Variants in ZBTB10 observed in about 807,000 individuals in gnomAD.
The protein encoded by ZBTB10 is zinc finger and BTB domain containing 10.
Under a neutral mutation model 76.4 loss-of-function variants are expected in ZBTB10, and 32 were observed. The observed-to-expected ratio is 0.42, with a 90% confidence interval of 0.32 to 0.56. The LOEUF (loss-of-function observed/expected upper bound fraction) is 0.56, where lower values mean the gene tolerates loss of function less well. Ranked by LOEUF, ZBTB10 falls within the 20% of genes least tolerant of loss-of-function variation. ZBTB10 has a pLI of 0.14. For synonymous variants in ZBTB10, 523 were observed against 432.9 expected, an observed-to-expected ratio of 1.21 and a Z score of -2.58; for missense variants, 1,057 against 1,098.5, an observed-to-expected ratio of 0.96 and a Z score of 0.53.
At chr8:80,489,224 C>T (rs566733732) in intron 1 of ZBTB10, among the ~76,000 whole-genome samples, 2 of 152,282 alleles carry the variant, frequency 1.3e-5, no homozygotes, top group South Asian at 4.1e-4. Flanking sequence ...GCTTTGTGAG[C>T]TTGGGCAATA....
chr8:80,512,594 C>T (rs1816222797), intron 2 of ZBTB10, among the ~76,000 whole-genome samples: 1 of 152,062 alleles, frequency 6.6e-6, no homozygotes, highest in Admixed American at 6.5e-5. Context: ...CACCTGTAGT[C>T]CCAGCTATCT....
intron 1 of ZBTB10, among the ~76,000 whole-genome samples, chr8:80,493,481 G>C (rs1815697269): frequency 6.6e-6 from 1 of 151,982 alleles, no homozygotes; most frequent in African/African-American, 2.4e-5. Flanking sequence ...TGTGTATGTG[G>C]GTTTAGAGTT....
At chr8:80,507,830 G>T (rs1816098838) in intron 2 of ZBTB10, among the ~76,000 whole-genome samples, 2 of 152,096 alleles carry the variant, frequency 1.3e-5, no homozygotes, top group Admixed American at 1.3e-4. Context: ...CCAGCTCTTG[G>T]GCTCAACTCT....
chr8:80,517,629 T>C (rs28588720), intron 3 of ZBTB10, among the ~76,000 whole-genome samples: 5,618 of 152,208 alleles, frequency 0.037, 238 homozygotes, highest in East Asian at 0.23. Flanking sequence ...ATATTCTTTA[T>C]TCTTAGTCTA....
At chr8:80,517,998 G>A (rs1199310696) in intron 3 of ZBTB10, among the ~76,000 whole-genome samples, 7 of 149,332 alleles carry the variant, frequency 4.7e-5, no homozygotes, top group African/African-American at 1.7e-4. Context: ...AGCTGGGACT[G>A]CAGGCACACA....
Position 80,487,190 on chromosome 8 carries a change from G to T in ZBTB10, c.380G>T (p.Gly127Val). Residue 127 changes from glycine to valine, a missense_variant, in exon 1 of 6, where the codon GGC becomes GTC. By Grantham distance (109) the Gly-to-Val change is moderately radical. This residue lies in a region of ZBTB10 where 556 missense variants were observed against 451.7 expected (regional missense o/e 1.23). Coordinates refer to ENST00000455036, the MANE Select transcript of ZBTB10 (RefSeq NM_001105539.3). ...ERNRRTLAFR[G>V]GGGGGLGNNG... ...AACCGTCGGACTCTGGCCTTCCGAG[G>T]CGGCGGCGGCGGGGGTCTCGGCAAC... 1 of 1,518,270 alleles carries T rather than the reference G, an allele frequency of 6.6e-7. No individual in the cohort carries two copies. The highest frequency in any genetic ancestry group is 8.8e-7 in the Non-Finnish European group (1 of 1,134,448). 94.0% of individuals were successfully genotyped at this position (1,518,270 alleles called of 1,614,324 possible). A position where few individuals can be genotyped will look rare whatever the true frequency, so the allele number is the denominator to read the frequency against.
At position 80,515,534 on chromosome 8, in the gene ZBTB10, C is replaced by G. The variant is rs188029472; in HGVS notation, c.1960+1526C>G. Among the ~76,000 whole-genome samples, 170 of 152,198 alleles carry G rather than the reference C, an allele frequency of 1.1e-3. 1 individual carries two copies. Among genetic ancestry groups the G allele is most frequent in the African/African-American group, 4.0e-3 (168 of 41,510 alleles). On this transcript the variant is annotated intron_variant, in intron 3 of 5. Transcript: ENST00000455036. ...CTTGAATTTTAAAGATTTTTTTGCTCGTACAGAAAGTTGCTAACCGCGCAA... is the reference window on the plus strand; with the variant it reads ...CTTGAATTTTAAAGATTTTTTTGCTGGTACAGAAAGTTGCTAACCGCGCAA...
chr8:80,514,667 A>G (rs1390836425), intron 3 of ZBTB10, among the ~76,000 whole-genome samples: 1 of 152,228 alleles, frequency 6.6e-6, no homozygotes, highest in Non-Finnish European at 1.5e-5. Context: ...CATGGTCTCA[A>G]ATTATTCCCA....
At chr8:80,511,680 A>G (rs1264954572) in intron 2 of ZBTB10, among the ~76,000 whole-genome samples, 2 of 152,204 alleles carry the variant, frequency 1.3e-5, no homozygotes, top group Non-Finnish European at 2.9e-5. Flanking sequence ...TTTAACTTTA[A>G]GAAAACAAAA....
chr8:80,513,010 CT>C (rs1816234000), intron 2 of ZBTB10, among the ~76,000 whole-genome samples: 1 of 152,076 alleles, frequency 6.6e-6, no homozygotes, highest in Admixed American at 6.5e-5. Context: ...TACTTTTCCC[CT>C]AAAAGTCTTT....
Position 80,518,483 on chromosome 8 carries a change from A to G in ZBTB10, c.2041A>G (p.Asn681Asp). The change falls in exon 4 of 6, where the codon AAT (asparagine) becomes GAT (aspartate). Residue 681 changes from asparagine (N) to aspartate (D), a missense_variant. By Grantham distance (23) the Asn-to-Asp change is conservative. Coordinates refer to ENST00000455036, the MANE Select transcript of ZBTB10 (RefSeq NM_001105539.3). ...GTATGGATTGATACCAGGTACTTCA[A>G]ATGATTTCAAGTATGGATTGATACC... ...FKYGLIPGTSNDFKYGLIPGA... is the reference protein window; with the variant it reads ...FKYGLIPGTSDDFKYGLIPGA... 6.4e-7 allele frequency: 1 copy of G among 1,553,322 alleles called. No homozygotes were observed. Among genetic ancestry groups the G allele is most frequent in the Non-Finnish European group, 8.7e-7 (1 of 1,147,880 alleles).
chr8:80,499,435 T>A, intron 1 of ZBTB10, 59 bp from the exon 2 acceptor site: 1 of 1,464,746 alleles, frequency 6.8e-7, no homozygotes, highest in Non-Finnish European at 9.1e-7. Flanking sequence ...TTTCCTTGGT[T>A]TGGGAGTTTT....
intron 1 of ZBTB10, among the ~76,000 whole-genome samples, chr8:80,497,475 G>C (rs377137820): frequency 2.0e-5 from 3 of 151,486 alleles, no homozygotes; most frequent in African/African-American, 4.9e-5. Context: ...TATATGGTGG[G>C]GGGGGGCATG....
In ZBTB10 at chr8:80,519,513, G is replaced by C. The variant is rs1392966477; in HGVS notation, c.2601G>C (p.Met867Ile). The C allele has an allele frequency of 1.2e-6, 2 of 1,609,156 alleles. No individual in the cohort carries two copies. Among genetic ancestry groups the C allele is most frequent in the Non-Finnish European group, 1.7e-6 (2 of 1,177,720 alleles). Residue 867 changes from methionine (M) to isoleucine (I), a missense_variant, in exon 6 of 6, where the codon ATG (methionine) becomes ATC (isoleucine). By Grantham distance (10) the Met-to-Ile change is conservative. Transcript: ENST00000455036. ...GGGATGAATCAGGAGAAGTTTGTATGTCTCTAGATGATTAACTGACCTACT... is the reference window on the plus strand; with the variant it reads ...GGGATGAATCAGGAGAAGTTTGTATCTCTCTAGATGATTAACTGACCTACT... ...SRWDESGEVC[M>I]SLDD
intron 3 of ZBTB10, among the ~76,000 whole-genome samples, chr8:80,516,175 C>A (rs547217985): frequency 7.2e-5 from 11 of 152,318 alleles, no homozygotes; most frequent in African/African-American, 2.4e-4. Context: ...CCTCCCACAG[C>A]CTCTCAAATT....
chr8:80,486,021 C>T (rs2131463348), upstream of ZBTB10: 3 of 1,042,838 alleles, frequency 2.9e-6, no homozygotes, highest in Non-Finnish European at 4.0e-6. Flanking sequence ...TGTCCCCAAC[C>T]CCTCGGCCGA....
chr8:80,488,829 A>G (rs1815551393), intron 1 of ZBTB10, among the ~76,000 whole-genome samples: 2 of 152,156 alleles, frequency 1.3e-5, no homozygotes, highest in Admixed American at 1.3e-4. Flanking sequence ...TTATAAAGTT[A>G]GCTCTTAGTA....
At chr8:80,500,891 A>G (rs1354859903) in intron 2 of ZBTB10, among the ~76,000 whole-genome samples, 4 of 151,882 alleles carry the variant, frequency 2.6e-5, no homozygotes, top group Non-Finnish European at 4.4e-5. Flanking sequence ...TTTTTTGTTT[A>G]TTTATTTTTT....
At chr8:80,493,096 C>G (rs1225989315) in intron 1 of ZBTB10, among the ~76,000 whole-genome samples, 1 of 151,728 alleles carries the variant, frequency 6.6e-6, no homozygotes, top group East Asian at 2.0e-4. Flanking sequence ...TGCCTGTAAT[C>G]CCAGCTACTT....
Sources: allele counts gnomAD v4.1 joint callset (sites outside exome capture counted in the v4.1 genomes callset), GRCh38; gene constraint gnomAD v4.1.1; regional missense constraint gnomAD v4.1.1; transcripts MANE v1.5; gene names NCBI Gene and HGNC (gene_info 2026-07-23, HGNC 2026-07-21).